Variants in KAZN observed in about 807,000 individuals in gnomAD.
KAZN encodes the protein kazrin.
A neutral mutation model predicts 87.4 loss-of-function variants in KAZN; 40 were observed. The ratio of observed to expected loss-of-function variants is 0.46; its 90% CI spans 0.36 to 0.60. The LOEUF (loss-of-function observed/expected upper bound fraction) is 0.60. Ranked by LOEUF, KAZN falls within the 20% of genes least tolerant of loss-of-function variation. The pLI, the probability that KAZN is intolerant of heterozygous loss-of-function variation, is 0.00. For missense variants in KAZN, 898 were observed against 1,073.9 expected, an observed-to-expected ratio of 0.84 and a Z score of 2.29; for synonymous variants, 466 against 458.3, an observed-to-expected ratio of 1.02 and a Z score of -0.22.
At chr1:14,568,855 G>A (rs1674692433) in intron 2 of KAZN, among the ~76,000 whole-genome samples, 1 of 152,206 alleles carries the variant, frequency 6.6e-6, no homozygotes, top group Admixed American at 6.5e-5. Flanking sequence ...CGGATCCGAT[G>A]TGTCTCCCCC....
intron 2 of KAZN, among the ~76,000 whole-genome samples, chr1:14,285,132 G>C (rs1057224373): frequency 6.6e-6 from 1 of 152,192 alleles, no homozygotes; most frequent in Non-Finnish European, 1.5e-5. Flanking sequence ...ATCTCTCTCT[G>C]TCTCAAGTGC....
At chr1:14,109,784 T>G (rs991253430) in intron 1 of KAZN, among the ~76,000 whole-genome samples, 4 of 99,730 alleles carry the variant, frequency 4.0e-5, no homozygotes, top group African/African-American at 1.7e-4. Context: ...ATCAGGCCCC[T>G]CTCCTGAAAA....
intron 2 of KAZN, among the ~76,000 whole-genome samples, chr1:14,277,537 G>A (rs575009024): frequency 2.8e-4 from 42 of 151,928 alleles, no homozygotes; most frequent in Middle Eastern, 3.4e-3. Context: ...GGTGGCAGGC[G>A]CCTGTAATCC....
rs542160090 is a variant in KAZN at position 14,628,304 on chromosome 1, C to A, written c.226+29081C>A. 5.3e-5 allele frequency among the ~76,000 whole-genome samples: 8 copies of A among 152,282 alleles called. No individual in the cohort carries two copies. In the East Asian group the frequency reaches 1.5e-3, roughly 29 times the overall value. On this transcript the variant is annotated intron_variant, in intron 1 of 14. Transcript: ENST00000376030. ...CTAGACAAAGCAGTCTTTCAACACA[C>A]CCGCAGCATATAAGCAGCCAGGACT...
chr1:14,366,228 GTTTA>G (rs1041306627), intron 2 of KAZN, among the ~76,000 whole-genome samples: 1 of 152,190 alleles, frequency 6.6e-6, no homozygotes, highest in African/African-American at 2.4e-5. Flanking sequence ...GTTAAGTGTG[GTTTA>G]TTTTTGTCTA....
chr1:13,998,098 C>G (rs4662068), intron 1 of KAZN, among the ~76,000 whole-genome samples: 2 of 152,104 alleles, frequency 1.3e-5, no homozygotes, highest in Admixed American at 1.3e-4. Flanking sequence ...AATTTTCAAC[C>G]CAGAATTTCA....
chr1:14,383,224 C>G (rs1661534329), intron 2 of KAZN, among the ~76,000 whole-genome samples: 1 of 151,422 alleles, frequency 6.6e-6, no homozygotes, highest in African/African-American at 2.4e-5. Context: ...AGCCCTTTGT[C>G]AGATGAGTAG....
intron 1 of KAZN, among the ~76,000 whole-genome samples, chr1:14,063,459 G>T (rs370101773): frequency 6.6e-6 from 1 of 152,200 alleles, no homozygotes; most frequent in Non-Finnish European, 1.5e-5. Flanking sequence ...CAAGAGAGGT[G>T]TTAAAGACCA....
intron 1 of KAZN, among the ~76,000 whole-genome samples, chr1:13,917,026 A>G (rs1225726154): frequency 6.6e-6 from 1 of 151,378 alleles, no homozygotes; most frequent in Non-Finnish European, 1.5e-5. Context: ...CGATTAGAAG[A>G]ATTCTCTGTA....
intron 2 of KAZN, among the ~76,000 whole-genome samples, chr1:14,206,561 C>A (rs1646749049): frequency 6.6e-6 from 1 of 151,790 alleles, no homozygotes; most frequent in Non-Finnish European, 1.5e-5. Flanking sequence ...CTTAATCTTA[C>A]CAAGAGGAAG....
At chr1:14,522,247 G>A (rs1671627454) in intron 2 of KAZN, among the ~76,000 whole-genome samples, 1 of 152,150 alleles carries the variant, frequency 6.6e-6, no homozygotes, top group Non-Finnish European at 1.5e-5. Flanking sequence ...CCAGTGAGAT[G>A]CCTGTAACTG....
In KAZN at chr1:14,974,021, G is replaced by C. The variant is rs1011119444; in HGVS notation, c.418+13146G>C. Among the ~76,000 whole-genome samples the C allele has an allele frequency of 2.6e-5, 4 of 151,954 alleles. No homozygotes were observed. In the East Asian group the frequency reaches 7.7e-4, roughly 29 times the overall value. On this transcript the variant is annotated intron_variant, in intron 2 of 14. Coordinates refer to ENST00000376030, the MANE Select transcript of KAZN (RefSeq NM_201628.3). ...GTACTTCCATGCTATTCCTCTGGAC[G>C]ACCCAAGATGGCTTCACTCACATAT...
intron 2 of KAZN, among the ~76,000 whole-genome samples, chr1:14,333,437 G>A (rs971441124): frequency 1.3e-5 from 2 of 152,124 alleles, no homozygotes; most frequent in African/African-American, 4.8e-5. Context: ...CCAGCATGAT[G>A]GACAAGGTCC....
intron 1 of KAZN, among the ~76,000 whole-genome samples, chr1:14,172,994 G>A (rs1645988501): frequency 6.6e-6 from 1 of 152,138 alleles, no homozygotes. Context: ...GGAATCATGG[G>A]CAGAAGCTGC....
At chr1:14,534,255 G>A (rs894686700) in intron 2 of KAZN, among the ~76,000 whole-genome samples, 8 of 152,278 alleles carry the variant, frequency 5.3e-5, no homozygotes, top group African/African-American at 1.9e-4. Context: ...TCCAATTGCT[G>A]TTGACACATG....
intron 1 of KAZN, among the ~76,000 whole-genome samples, chr1:14,099,520 C>A (rs76372516): frequency 0.05 from 7,684 of 152,166 alleles, 590 homozygotes; most frequent in African/African-American, 0.17. Context: ...TGCCTGCTAC[C>A]TGCCACCCAT....
intron 1 of KAZN, among the ~76,000 whole-genome samples, chr1:14,897,088 T>C (rs895979701): frequency 3.3e-5 from 5 of 152,242 alleles, no homozygotes; most frequent in Admixed American, 6.5e-5. Flanking sequence ...CTATCTCCTT[T>C]CTTGGTGATT....
At chr1:13,908,459 A>G (rs1639527281) in intron 1 of KAZN, among the ~76,000 whole-genome samples, 1 of 152,226 alleles carries the variant, frequency 6.6e-6, no homozygotes, top group Non-Finnish European at 1.5e-5. Context: ...TAAATAGCTA[A>G]TTCCCCTGGG....
chr1:14,991,279 C>T (rs980342839), intron 2 of KAZN, among the ~76,000 whole-genome samples: 2 of 151,938 alleles, frequency 1.3e-5, no homozygotes, highest in East Asian at 1.9e-4. Flanking sequence ...CGCTTGAACC[C>T]GAGAGGCGGG....
Sources: gnomAD v4.1 joint callset for allele counts (sites outside exome capture counted in the v4.1 genomes callset) on GRCh38, gnomAD v4.1.1 for gene constraint, MANE v1.5 for transcripts, NCBI Gene and HGNC (gene_info 2026-07-23, HGNC 2026-07-21) for gene names.